Variants in GABRB1 observed in about 807,000 individuals in gnomAD.
The protein encoded by GABRB1 is gamma-aminobutyric acid type A receptor subunit beta1, also known as gamma-aminobutyric acid receptor subunit beta-1.
GABRB1 carries 17 observed loss-of-function variants against 51.6 expected under a neutral mutation model. That is an observed-to-expected ratio of 0.33 (90% CI 0.23 to 0.49). The LOEUF (loss-of-function observed/expected upper bound fraction) is 0.49. Ranked by LOEUF, GABRB1 falls within the 20% of genes least tolerant of loss-of-function variation. The probability of loss-of-function intolerance (pLI) is 0.99; values close to 1 mark genes in which losing one functional copy is unlikely to be tolerated. For synonymous variants in GABRB1, 247 were observed against 218.9 expected, an observed-to-expected ratio of 1.13 and a Z score of -1.14; for missense variants, 410 against 600.6, an observed-to-expected ratio of 0.68 and a Z score of 3.32.
intron 3 of GABRB1, among the ~76,000 whole-genome samples, chr4:47,116,228 T>C (rs1011468038): frequency 1.3e-5 from 2 of 152,230 alleles, no homozygotes; most frequent in African/African-American, 4.8e-5. Flanking sequence ...ATTTGTGTTT[T>C]TTTTTCCTAG....
intron 4 of GABRB1, among the ~76,000 whole-genome samples, chr4:47,171,408 G>T (rs949609493): frequency 6.6e-6 from 1 of 152,210 alleles, no homozygotes. Flanking sequence ...CACTTCTTGA[G>T]AAGATGTATC....
intron 5 of GABRB1, among the ~76,000 whole-genome samples, chr4:47,330,618 C>T (rs992025507): frequency 6.6e-6 from 1 of 152,060 alleles, no homozygotes; most frequent in Non-Finnish European, 1.5e-5. Context: ...GAAATGGCCA[C>T]ATACCAGAAA....
At chr4:47,110,032 G>A (rs1046563240) in intron 3 of GABRB1, among the ~76,000 whole-genome samples, 1 of 152,104 alleles carries the variant, frequency 6.6e-6, no homozygotes, top group Non-Finnish European at 1.5e-5. Context: ...GGTCAAGAAG[G>A]GGGCTGTAAC....
At position 47,338,751 on chromosome 4, in the gene GABRB1, T is replaced by C. The variant is rs755784381; in HGVS notation, c.544+18542T>C. Among the ~76,000 whole-genome samples the C allele has an allele frequency of 1.3e-5, 2 of 152,174 alleles. 1 individual carries two copies. The highest frequency in any genetic ancestry group is 1.3e-4 in the Admixed American group (2 of 15,260). ...GCCCGCTTGGTAGAAAAGGAGGTGATGTGATAAGGAATTTAGCTCACAGTT... is the reference window on the plus strand; with the variant it reads ...GCCCGCTTGGTAGAAAAGGAGGTGACGTGATAAGGAATTTAGCTCACAGTT... On this transcript the variant is annotated intron_variant, in intron 5 of 8. Coordinates refer to ENST00000295454, the MANE Select transcript of GABRB1 (RefSeq NM_000812.4).
intron 3 of GABRB1, chr4:47,043,199 G>A (rs868153570): frequency 6.6e-6 from 1 of 152,098 alleles, no homozygotes; most frequent in Non-Finnish European, 1.5e-5. Flanking sequence ...GAAAACTTCT[G>A]TCTTCATGTG....
chr4:47,177,595 A>T (rs1434575528), intron 4 of GABRB1, among the ~76,000 whole-genome samples: 1 of 152,082 alleles, frequency 6.6e-6, no homozygotes, highest in Non-Finnish European at 1.5e-5. Context: ...GGAACCAATG[A>T]CTTGTTACTA....
chr4:47,357,445 C>A (rs538816137), intron 5 of GABRB1, among the ~76,000 whole-genome samples: 2 of 152,320 alleles, frequency 1.3e-5, no homozygotes, highest in South Asian at 4.1e-4. Flanking sequence ...ATCTGTCTCC[C>A]ACCTTGTAAG....
intron 4 of GABRB1, among the ~76,000 whole-genome samples, chr4:47,204,751 C>G (rs1038834338): frequency 1.3e-5 from 2 of 152,156 alleles, no homozygotes; most frequent in Non-Finnish European, 2.9e-5. Context: ...TAAGATGTGA[C>G]TTGTTCCTCC....
rs968037868 is a variant in GABRB1, at chr4:47,360,085, G to A, written c.544+39876G>A. 2.0e-5 allele frequency among the ~76,000 whole-genome samples: 3 copies of A among 151,400 alleles called. No individual in the cohort carries two copies. The East Asian group carries it at 5.8e-4, about 29-fold the overall frequency. The stretch of plus-strand genomic sequence containing the variant: ...ATATAATTACAAGATGTACAACAAA[G>A]GCACTGGCTGTTTCTACTCTCTGCA... On this transcript the variant is annotated intron_variant, in intron 5 of 8. Coordinates refer to ENST00000295454, the MANE Select transcript of GABRB1 (RefSeq NM_000812.4).
chr4:47,277,830 A>G (rs1462855512), intron 4 of GABRB1, among the ~76,000 whole-genome samples: 2 of 152,214 alleles, frequency 1.3e-5, no homozygotes, highest in East Asian at 3.9e-4. Context: ...CTTATTTGAT[A>G]CATTACTTTA....
At chr4:47,249,146 G>A (rs1367392375) in intron 4 of GABRB1, among the ~76,000 whole-genome samples, 2 of 151,958 alleles carry the variant, frequency 1.3e-5, no homozygotes, top group African/African-American at 4.8e-5. Context: ...TAGGCATTTA[G>A]GGATATGAAC....
intron 4 of GABRB1, among the ~76,000 whole-genome samples, chr4:47,286,661 T>G (rs930197761): frequency 3.3e-5 from 5 of 152,204 alleles, no homozygotes; most frequent in Non-Finnish European, 5.9e-5. Context: ...ACCTGTAGCT[T>G]ATGAGGTATA....
chr4:47,106,822 A>C (rs1262099412), intron 3 of GABRB1, among the ~76,000 whole-genome samples: 1 of 152,110 alleles, frequency 6.6e-6, no homozygotes, highest in African/African-American at 2.4e-5. Flanking sequence ...AAAAATGACC[A>C]TAACAGTTTT....
intron 3 of GABRB1, among the ~76,000 whole-genome samples, chr4:47,048,485 G>T (rs763935345): frequency 3.9e-5 from 6 of 152,234 alleles, no homozygotes; most frequent in South Asian, 4.1e-4. Flanking sequence ...CTTACACATA[G>T]AGCAGGATGA....
intron 3 of GABRB1, among the ~76,000 whole-genome samples, chr4:47,056,385 A>C (rs1726604432): frequency 6.6e-6 from 1 of 152,190 alleles, no homozygotes; most frequent in Non-Finnish European, 1.5e-5. Flanking sequence ...GGACTAATAG[A>C]TACTGTATTT....
intron 1 of GABRB1, among the ~76,000 whole-genome samples, chr4:47,001,904 A>G (rs1724241404): frequency 6.6e-6 from 1 of 152,240 alleles, no homozygotes; most frequent in Non-Finnish European, 1.5e-5. Flanking sequence ...AAATGCCATT[A>G]AATTGTTCCA....
At position 47,031,939 on chromosome 4, in the gene GABRB1, T is replaced by C; in HGVS notation, c.106T>C (p.Tyr36His). 2 of 1,614,034 alleles carry C rather than the reference T, an allele frequency of 1.2e-6. No homozygotes were observed. Among genetic ancestry groups the C allele is most frequent in the Non-Finnish European group, 1.7e-6 (2 of 1,179,990 alleles). The part of the protein sequence containing the change: ...HSTNEPSNMS[Y>H]VKETVDRLLK... ...CACCAATGAACCCAGCAACATGTCA[T>C]ACGTGAAAGAGACAGTGGACAGATT... Residue 36 changes from tyrosine to histidine, a missense_variant, in exon 2 of 9, where the codon TAC becomes CAC. This residue lies in a region of GABRB1 where 56 missense variants were observed against 54.8 expected (regional missense o/e 1.02). Coordinates refer to ENST00000295454, the MANE Select transcript of GABRB1 (RefSeq NM_000812.4).
chr4:47,142,505 T>C (rs1440817088), intron 3 of GABRB1, among the ~76,000 whole-genome samples: 1 of 151,894 alleles, frequency 6.6e-6, no homozygotes, highest in African/African-American at 2.4e-5. Context: ...CTGAGATCCA[T>C]GAGGAGCCAT....
intron 1 of GABRB1, among the ~76,000 whole-genome samples, chr4:47,015,975 C>A (rs1224630341): frequency 6.6e-6 from 1 of 152,158 alleles, no homozygotes; most frequent in Non-Finnish European, 1.5e-5. Context: ...AATGCCACAG[C>A]AGCTGGAGTA....
Sources: gnomAD v4.1 joint callset for allele counts (sites outside exome capture counted in the v4.1 genomes callset) on GRCh38, gnomAD v4.1.1 for gene constraint, gnomAD v4.1.1 regional missense constraint, MANE v1.5 for transcripts, NCBI Gene and HGNC (gene_info 2026-07-23, HGNC 2026-07-21) for gene names.